The following CDK5RAP2 variants were observed in gnomAD, a reference collection of about 807,000 sequenced individuals.
The protein encoded by CDK5RAP2 is CDK5 regulatory subunit-associated protein 2.
CDK5RAP2 carries 147 observed loss-of-function variants against 232.9 expected under a neutral mutation model. That is an observed-to-expected ratio of 0.63 (90% confidence interval 0.55 to 0.72). The LOEUF (loss-of-function observed/expected upper bound fraction) is 0.72, where lower values mean the gene tolerates loss of function less well. Ranked by LOEUF, CDK5RAP2 falls within the 30% of genes least tolerant of loss-of-function variation. CDK5RAP2 has a pLI of 0.00. For missense variants in CDK5RAP2, 2,195 were observed against 2,231.5 expected (o/e 0.98, Z 0.33); for synonymous variants, 833 against 833.7 (o/e 1.00, Z 0.01).
chr9:120,580,152 T>A lies in CDK5RAP2; in HGVS notation c.-174A>T. ...CAGACGCCGCCATCTTTCCCGGCGC[T>A]TCTTCCTACGGAAACGAGGCGGGGT... On this transcript the variant is annotated 5_prime_UTR_variant, in exon 1 of 38. In the 5' UTR this introduces an upstream ATG that the reference lacks. Coordinates refer to ENST00000349780, the MANE Select transcript of CDK5RAP2 (RefSeq NM_018249.6). 1 of 583,400 alleles carries A rather than the reference T, an allele frequency of 1.7e-6. No homozygotes were observed. Among genetic ancestry groups the A allele is most frequent in the Non-Finnish European group, 3.1e-6 (1 of 322,556 alleles). 36.1% of individuals were successfully genotyped at this position (583,400 alleles called of 1,614,324 possible). A position where few individuals can be genotyped will look rare whatever the true frequency, so the allele number is the denominator to read the frequency against.
chr9:120,408,292 G>A lies in CDK5RAP2; in HGVS notation c.4726+55C>T, dbSNP rs773964535. On this transcript the variant is annotated intron_variant, in intron 31 of 37. Coordinates refer to ENST00000349780, the MANE Select transcript of CDK5RAP2 (RefSeq NM_018249.6). ...CCTCCTGTGCCTACAGCCAGCTGTC[G>A]GGTGGTCTTACAGCCCAAAGCACAG... 68 of 1,608,362 alleles carry A rather than the reference G, an allele frequency of 4.2e-5. No individual in the cohort carries two copies. In the Middle Eastern group the frequency reaches 5.7e-4, roughly 14 times the overall value.
intron 26 of CDK5RAP2, among the ~76,000 whole-genome samples, chr9:120,420,309 T>C (rs1332485971): frequency 2.0e-5 from 3 of 152,146 alleles, no homozygotes; most frequent in Non-Finnish European, 4.4e-5. Context: ...CAGAAACCCT[T>C]TGAGGTAGGG....
chr9:120,541,894 TGAG>T (rs1443631229), intron 5 of CDK5RAP2, among the ~76,000 whole-genome samples: 4 of 152,178 alleles, frequency 2.6e-5, no homozygotes, highest in African/African-American at 9.6e-5. Context: ...CAGCAAGACC[TGAG>T]GAGAGAAAAG....
At chr9:120,395,064 T>C (rs2032340539) in intron 35 of CDK5RAP2, among the ~76,000 whole-genome samples, 1 of 152,220 alleles carries the variant, frequency 6.6e-6, no homozygotes, top group South Asian at 2.1e-4. Flanking sequence ...TCTGGATAAA[T>C]TATGGTACTT....
At chr9:120,425,985 G>A (rs1017454128) in intron 25 of CDK5RAP2, among the ~76,000 whole-genome samples, 1 of 152,184 alleles carries the variant, frequency 6.6e-6, no homozygotes, top group African/African-American at 2.4e-5. Context: ...AATCTGGCCT[G>A]GACCATCAAG....
intron 12 of CDK5RAP2, among the ~76,000 whole-genome samples, chr9:120,513,866 A>T (rs947874130): frequency 1.3e-5 from 2 of 152,200 alleles, no homozygotes; most frequent in African/African-American, 4.8e-5. Flanking sequence ...GGTGAGTAGG[A>T]GGCACTCCAG....
At chr9:120,531,179 T>C (rs1377420010) in intron 7 of CDK5RAP2, among the ~76,000 whole-genome samples, 1 of 152,016 alleles carries the variant, frequency 6.6e-6, no homozygotes, top group African/African-American at 2.4e-5. Flanking sequence ...TCACTTTCAG[T>C]TCTCTCCCGA....
At chr9:120,578,569 C>CTTT (rs35890688) in intron 1 of CDK5RAP2, among the ~76,000 whole-genome samples, 4 of 143,454 alleles carry the variant, frequency 2.8e-5, no homozygotes, top group Non-Finnish European at 3.0e-5. Flanking sequence ...TTTCACTTTC[C>CTTT]TTTTTTTTTT....
intron 14 of CDK5RAP2, among the ~76,000 whole-genome samples, chr9:120,484,531 G>A (rs1403770409): frequency 3.3e-5 from 5 of 152,158 alleles, no homozygotes; most frequent in African/African-American, 1.2e-4. Flanking sequence ...AGACCAGCCT[G>A]GCCAACGTGG....
chr9:120,434,995 G>C (rs1212593010), intron 25 of CDK5RAP2, among the ~76,000 whole-genome samples: 5 of 152,084 alleles, frequency 3.3e-5, no homozygotes, highest in Non-Finnish European at 7.4e-5. Flanking sequence ...TTTTGACTCT[G>C]GAATCATGCT....
Position 120,415,190 on chromosome 9 carries a change from G to A in CDK5RAP2, c.4178-31C>T, listed in dbSNP as rs1437785574. On this transcript the variant is annotated intron_variant, in intron 27 of 37. Coordinates refer to ENST00000349780, the MANE Select transcript of CDK5RAP2 (RefSeq NM_018249.6). ...GGAAGGAAGCCATTTTTAATTTAAA[G>A]TCTGAACCCCCAACAAATTGAATAA... The A allele has an allele frequency of 2.5e-6, 4 of 1,611,820 alleles. No homozygotes were observed. In the East Asian group the frequency reaches 8.9e-5, roughly 36 times the overall value.
intron 26 of CDK5RAP2, among the ~76,000 whole-genome samples, chr9:120,421,723 A>G (rs569643874): frequency 2.0e-5 from 3 of 152,352 alleles, no homozygotes; most frequent in South Asian, 4.1e-4. Flanking sequence ...CATGTATTCC[A>G]TGATTATTTT....
chr9:120,425,331 T>C (rs753797162), intron 25 of CDK5RAP2, among the ~76,000 whole-genome samples: 63 of 152,332 alleles, frequency 4.1e-4, no homozygotes, highest in Non-Finnish European at 4.6e-4. Flanking sequence ...CAACAACTAA[T>C]GCATTGAATT....
intron 19 of CDK5RAP2, among the ~76,000 whole-genome samples, chr9:120,460,296 G>A (rs916783136): frequency 2.0e-5 from 3 of 152,156 alleles, no homozygotes; most frequent in African/African-American, 7.2e-5. Context: ...CTAAAGATTT[G>A]TCCAGGTCAA....
chr9:120,560,035 C>T (rs10818467), intron 3 of CDK5RAP2, among the ~76,000 whole-genome samples: 128,247 of 152,144 alleles, frequency 0.84, 55,416 homozygotes, highest in Non-Finnish European at 0.95. Context: ...TGGCTATCCG[C>T]TTCAATGGCT....
At chr9:120,432,724 T>A (rs942476001) in intron 25 of CDK5RAP2, among the ~76,000 whole-genome samples, 2 of 152,176 alleles carry the variant, frequency 1.3e-5, no homozygotes, top group African/African-American at 4.8e-5. Context: ...AGGCTCTCCT[T>A]GGGTGTGTCA....
intron 2 of CDK5RAP2, among the ~76,000 whole-genome samples, chr9:120,570,732 G>A (rs993572627): frequency 2.0e-5 from 3 of 152,106 alleles, no homozygotes; most frequent in South Asian, 2.1e-4. Context: ...CCAGCTACTC[G>A]GGAGGCTGAG....
chr9:120,526,595 C>G (rs1284269591), intron 10 of CDK5RAP2, among the ~76,000 whole-genome samples: 1 of 152,144 alleles, frequency 6.6e-6, no homozygotes, highest in Non-Finnish European at 1.5e-5. Context: ...GGTCTCCCAG[C>G]CTCCATTCTC....
At chr9:120,409,973 C>A (rs935895546) in intron 29 of CDK5RAP2, among the ~76,000 whole-genome samples, 1 of 152,192 alleles carries the variant, frequency 6.6e-6, no homozygotes, top group African/African-American at 2.4e-5. Flanking sequence ...CAGGAGCACT[C>A]TGGGGGCTGG....
Sources: gnomAD v4.1 joint callset for allele counts (sites outside exome capture counted in the v4.1 genomes callset) on GRCh38, gnomAD v4.1.1 for gene constraint, MANE v1.5 for transcripts, NCBI Gene and HGNC (gene_info 2026-07-23, HGNC 2026-07-21) for gene names.